The following SPTBN2 variants were observed in gnomAD, a reference collection of about 807,000 sequenced individuals.
SPTBN2 encodes the protein spectrin beta, non-erythrocytic 2.
SPTBN2 carries 107 observed loss-of-function variants against 284.2 expected under a neutral mutation model. The observed-to-expected ratio is 0.38, with a 90% CI of 0.32 to 0.44. SPTBN2 has a LOEUF of 0.44. Among genes scored for constraint, SPTBN2 ranks in the 20% least tolerant of loss-of-function variants. The probability of loss-of-function intolerance (pLI) is 1.00; values close to 1 mark genes in which losing one functional copy is unlikely to be tolerated. For missense variants in SPTBN2, 2,569 were observed against 3,287.1 expected (o/e 0.78, Z 5.34); for synonymous variants, 1,289 against 1,354.8 (o/e 0.95, Z 1.07).
chr11:66,727,697 C>T (rs1942670749), intron 1 of SPTBN2, among the ~76,000 whole-genome samples: 1 of 152,110 alleles, frequency 6.6e-6, no homozygotes, highest in African/African-American at 2.4e-5. Flanking sequence ...CGCGTGGAGC[C>T]AGCTGCCAAA....
chr11:66,687,260 T>C lies in SPTBN2; in HGVS notation c.6723-93A>G, dbSNP rs908100458. 6.3e-7 allele frequency: 1 copy of C among 1,580,612 alleles called. No individual in the cohort carries two copies. The highest frequency in any genetic ancestry group is 1.3e-5 in the African/African-American group (1 of 74,308). ...CCTAGGACTTCCAGTTCTGCTCCCA[T>C]CTTTAGGCCACGGTCTTCACACCCT... On this transcript the variant is annotated intron_variant, in intron 35 of 37. Transcript: ENST00000533211. This position sits in a 1 kb window ranked among gnomAD's most constrained non-coding sequence, Gnocchi z 5.2.
chr11:66,701,111 G>C lies in SPTBN2; in HGVS notation c.2988C>G (p.Ala996=), dbSNP rs762361395. 1 of 1,613,012 alleles carries C rather than the reference G, an allele frequency of 6.2e-7. No homozygotes were observed. The highest frequency in any genetic ancestry group is 8.5e-7 in the Non-Finnish European group (1 of 1,180,046). Residue 996 remains alanine (A), a synonymous_variant, in exon 17 of 38, where the codon GCC becomes GCG. Transcript: ENST00000533211. Reference sequence around the variant, plus strand: ...CCGTGCCGGCCAGCTTGCGCTGCAGGGCCAGCACCCCAGCCAGATCGTTGC... The same window carrying C: ...CCGTGCCGGCCAGCTTGCGCTGCAGCGCCAGCACCCCAGCCAGATCGTTGC... ...GLGNDLAGVL[A]LQRKLAGTER...
chr11:66,723,788 TA>T (rs1386614867), intron 1 of SPTBN2, among the ~76,000 whole-genome samples: 1 of 152,108 alleles, frequency 6.6e-6, no homozygotes, highest in Non-Finnish European at 1.5e-5. Context: ...TCACCCTGAG[TA>T]AAGAGTGCTG....
chr11:66,693,041 G>A lies in SPTBN2; in HGVS notation c.4914C>T (p.Ala1638=), dbSNP rs765860254. ...GCTGGTGGATGGTCTGCGCGTAGTCGGCCAGGGCTTGCTCCAGCACCTGGT... is the reference window on the plus strand; with the variant it reads ...GCTGGTGGATGGTCTGCGCGTAGTCAGCCAGGGCTTGCTCCAGCACCTGGT... ...KKHQVLEQAL[A]DYAQTIHQLA... Residue 1638 remains alanine (A), a synonymous_variant, in exon 25 of 38, where the codon GCC becomes GCT. Coordinates refer to ENST00000533211, the MANE Select transcript of SPTBN2 (RefSeq NM_006946.4). This position sits in a 1 kb window ranked among gnomAD's most constrained non-coding sequence, Gnocchi z 5.7. 23 of 1,613,478 alleles carry A rather than the reference G, an allele frequency of 1.4e-5. 1 individual carries two copies. In the East Asian group the frequency reaches 1.6e-4, roughly 11 times the overall value.
chr11:66,729,247 A>T (rs915240037), upstream of SPTBN2: 24 of 152,238 alleles, frequency 1.6e-4, no homozygotes, highest in African/African-American at 5.6e-4. Flanking sequence ...ACAGAGTGCC[A>T]GGTGGGTGCT....
Position 66,711,668 on chromosome 11 carries a change from C to G in SPTBN2, c.773-639G>C, listed in dbSNP as rs991096566. Among the ~76,000 whole-genome samples the G allele has an allele frequency of 3.3e-5, 5 of 152,176 alleles. No individual in the cohort carries two copies. In the South Asian group the frequency reaches 6.2e-4, roughly 19 times the overall value. On this transcript the variant is annotated intron_variant, in intron 8 of 37. Transcript: ENST00000533211. Reference sequence around the variant, plus strand: ...AAATCTGTGGGTTCTTTTAAATAGGCCAGATTTTATCCTAAAGGTAAGACT... The same window carrying G: ...AAATCTGTGGGTTCTTTTAAATAGGGCAGATTTTATCCTAAAGGTAAGACT...
At chr11:66,744,625 G>A (rs756409847) in exon 1 of SPTBN2, 6 of 280,152 alleles carry the variant, frequency 2.1e-5, no homozygotes, top group Non-Finnish European at 3.5e-5. Context: ...GGCGCTCAGA[G>A]GCTCTAGGTG....
chr11:66,701,519 T>A, intron 16 of SPTBN2, 65 bp downstream of exon 16: 1 of 1,613,260 alleles, frequency 6.2e-7, no homozygotes, highest in Non-Finnish European at 8.5e-7. Context: ...AAAACCTGCC[T>A]CTCACTGCCA....
Position 66,700,310 on chromosome 11 carries a change from G to C in SPTBN2, c.3573+216C>G, listed in dbSNP as rs953320161. On this transcript the variant is annotated intron_variant, in intron 17 of 37. Coordinates refer to ENST00000533211, the MANE Select transcript of SPTBN2 (RefSeq NM_006946.4). The surrounding 1 kb of genome is among the most constrained non-coding windows in gnomAD (Gnocchi z 6.6). ...TTTCTTAAAAAAATTTTTTTGTAGA[G>C]ACAAGGTCTTGCCATGTTGCCCAGG... Among the ~76,000 whole-genome samples the C allele has an allele frequency of 6.6e-6, 1 of 151,964 alleles. No homozygotes were observed. Among genetic ancestry groups the C allele is most frequent in the Non-Finnish European group, 1.5e-5 (1 of 67,986 alleles).
rs765521246 is a variant in SPTBN2, at chr11:66,721,134, T to C, written c.107A>G (p.Asp36Gly). ...CTCAAAGAGGCGGGCCGAGCTGCTG[T>C]CATTGTCCCAGTCCGAGTCAGGAAG... The part of the protein sequence containing the change: ...WDLPDSDWDN[D>G]SSSARLFERS... Residue 36 changes from aspartate to glycine, a missense_variant, in exon 3 of 38, where the codon GAC becomes GGC. Around this residue, in one of 6 missense-constraint regions of SPTBN2, gnomAD observed 304 missense variants for 522.1 expected, o/e 0.58. Coordinates refer to ENST00000533211, the MANE Select transcript of SPTBN2 (RefSeq NM_006946.4). 1 of 1,614,104 alleles carries C rather than the reference T, an allele frequency of 6.2e-7. No individual in the cohort carries two copies. The highest frequency in any genetic ancestry group is 8.5e-7 in the Non-Finnish European group (1 of 1,180,014).
chr11:66,684,776 T>A lies in SPTBN2; in HGVS notation c.*1095A>T, dbSNP rs768840638. On this transcript the variant is annotated 3_prime_UTR_variant, in exon 38 of 38. Transcript: ENST00000533211. Reference sequence around the variant, plus strand: ...GAACCTGCCACTTCTCAGATCCCTGTCTGAGGTCCCTTGATCTACTGGAGA... The same window carrying A: ...GAACCTGCCACTTCTCAGATCCCTGACTGAGGTCCCTTGATCTACTGGAGA... Among the ~76,000 whole-genome samples, 64 of 152,298 alleles carry A rather than the reference T, an allele frequency of 4.2e-4. No individual in the cohort carries two copies. The Middle Eastern group carries it at 0.014, about 32-fold the overall frequency.
rs140481704 is a variant in SPTBN2 at position 66,700,933 on chromosome 11, G to A, written c.3166C>T (p.Arg1056Cys). 20 of 1,602,912 alleles carry A rather than the reference G, an allele frequency of 1.2e-5. No individual in the cohort carries two copies. Among genetic ancestry groups the A allele is most frequent in the African/African-American group, 9.3e-5 (7 of 74,910 alleles). Residue 1056 changes from arginine to cysteine, a missense_variant, in exon 17 of 38, where the codon CGT (arginine) becomes TGT (cysteine). Arg to Cys is a radical substitution (Grantham distance 180). Around this residue, in one of 6 missense-constraint regions of SPTBN2, gnomAD observed 1,012 missense variants for 1,248.9 expected, o/e 0.81. Coordinates refer to ENST00000533211, the MANE Select transcript of SPTBN2 (RefSeq NM_006946.4). The surrounding 1 kb of genome is among the most constrained non-coding windows in gnomAD (Gnocchi z 6.6). ...GCCTCCCCCAGCGACTCTTCTCGAC[G>A]CCGCATGGTGGCCCTGAGGTCCTCC... ...GWEDLRATMR[R>C]REESLGEARR...
Position 66,704,698 on chromosome 11 carries a change from C to T in SPTBN2, c.2578G>A (p.Glu860Lys), listed in dbSNP as rs758525869. ...ACCCAGAGTCCACAGGCCCCGGCCT[C>T]GCTGAGCATGGTGTAGAGCGCCAGG... Reference protein sequence around the residue: ...AALALYTMLSEAGACGLWVEE... With the variant: ...AALALYTMLSKAGACGLWVEE... The change falls in exon 15 of 38, where the codon GAG (glutamate) becomes AAG (lysine). Residue 860 changes from glutamate (E) to lysine (K), a missense_variant. Physicochemically the swap from Glu to Lys is moderately conservative, Grantham distance 56. Around this residue, in one of 6 missense-constraint regions of SPTBN2, gnomAD observed 1,012 missense variants for 1,248.9 expected, o/e 0.81. Transcript: ENST00000533211. 2 of 1,608,078 alleles carry T rather than the reference C, an allele frequency of 1.2e-6. No homozygotes were observed. Among genetic ancestry groups the T allele is most frequent in the Admixed American group, 1.7e-5 (1 of 59,312 alleles).
At position 66,715,998 on chromosome 11, in the gene SPTBN2, G is replaced by A. The variant is rs1368558620; in HGVS notation, c.158-17C>T. The A allele has an allele frequency of 1.2e-6, 2 of 1,613,602 alleles. No homozygotes were observed. Among genetic ancestry groups the A allele is most frequent in the East Asian group, 2.2e-5 (1 of 44,874 alleles). On this transcript the variant is annotated splice_polypyrimidine_tract_variant and intron_variant, in intron 3 of 37. Coordinates refer to ENST00000533211, the MANE Select transcript of SPTBN2 (RefSeq NM_006946.4). This position sits in a 1 kb window ranked among gnomAD's most constrained non-coding sequence, Gnocchi z 5.3. ...CTCGTTCATCTGTGGTGGCAACATGGGTTTATTTCTGTCCCTCGAGTTCAG... is the reference window on the plus strand; with the variant it reads ...CTCGTTCATCTGTGGTGGCAACATGAGTTTATTTCTGTCCCTCGAGTTCAG...
intron 8 of SPTBN2, among the ~76,000 whole-genome samples, chr11:66,712,368 G>A (rs1197141695): frequency 6.6e-6 from 1 of 152,200 alleles, no homozygotes; most frequent in Non-Finnish European, 1.5e-5. Context: ...CCAACATGGT[G>A]AAACCCTGTC....
At position 66,693,963 on chromosome 11, in the gene SPTBN2, G is replaced by T; in HGVS notation, c.4504-102C>A. 3 of 1,326,328 alleles carry T rather than the reference G, an allele frequency of 2.3e-6. No individual in the cohort carries two copies. The highest frequency in any genetic ancestry group is 2.1e-6 in the Non-Finnish European group (2 of 947,700). The allele number at this position is 1,326,328 out of a possible 1,614,324, so 82.2% of individuals were successfully genotyped here. On this transcript the variant is annotated intron_variant, in intron 22 of 37. Transcript: ENST00000533211. This position sits in a 1 kb window ranked among gnomAD's most constrained non-coding sequence, Gnocchi z 5.7. ...CACCTGGGGCTACCGCCCTGTGTGT[G>T]GGGAACAGTCATCTCTGGTTCTGGG...
At chr11:66,704,011 C>T (rs532737646) in intron 15 of SPTBN2, among the ~76,000 whole-genome samples, 2 of 135,414 alleles carry the variant, frequency 1.5e-5, no homozygotes, top group Admixed American at 8.2e-5. Flanking sequence ...CTCGCTCTGT[C>T]GCCAAGGCTG....
Position 66,704,987 on chromosome 11 carries a change from C to G in SPTBN2, c.2289G>C (p.Leu763Phe). 6.2e-7 allele frequency: 1 copy of G among 1,606,862 alleles called. No individual in the cohort carries two copies. Among genetic ancestry groups the G allele is most frequent in the South Asian group, 1.1e-5 (1 of 91,086 alleles). Residue 763 changes from leucine (L) to phenylalanine (F), a missense_variant, in exon 15 of 38, where the codon TTG becomes TTC. Around this residue, in one of 6 missense-constraint regions of SPTBN2, gnomAD observed 1,012 missense variants for 1,248.9 expected, o/e 0.81. Transcript: ENST00000533211. ...QADANDMEAW[L>F]VDALRLVSSP... ...TGGACACCAGGCGCAGTGCGTCAAC[C>G]AACCAGGCCTCCATGTCGTTTGCAT... is the stretch of plus-strand genomic sequence containing the variant.
At chr11:66,744,651 T>C (rs999062241) in exon 1 of SPTBN2, 1 of 405,958 alleles carries the variant, frequency 2.5e-6, no homozygotes, top group Admixed American at 5.7e-5. Flanking sequence ...CGGCGGCGGT[T>C]CGCGGTCTCG....
Sources: gnomAD v4.1 joint callset for allele counts (sites outside exome capture counted in the v4.1 genomes callset) on GRCh38, gnomAD v4.1.1 for gene constraint, gnomAD v4.1.1 regional missense constraint, Gnocchi (gnomAD v3.1) non-coding constraint, MANE v1.5 for transcripts, NCBI Gene and HGNC (gene_info 2026-07-23, HGNC 2026-07-21) for gene names.